RBM43: variants seen among roughly 807,000 people sequenced by gnomAD.
RBM43 encodes RNA binding motif protein 43, also known as RNA-binding protein 43.
RBM43 carries 12 observed loss-of-function variants against 12.4 expected under a neutral mutation model. The ratio of observed to expected loss-of-function variants is 0.97; its 90% CI spans 0.62 to 1.57. The LOEUF (loss-of-function observed/expected upper bound fraction) is 1.57, where lower values mean the gene tolerates loss of function less well. Among genes scored for constraint, RBM43 ranks in the 40% most tolerant of loss-of-function variants. The probability of loss-of-function intolerance (pLI) is 0.00; values close to 1 mark genes in which losing one functional copy is unlikely to be tolerated. For synonymous variants in RBM43, 138 were observed against 145.7 expected (o/e 0.95, Z 0.38); for missense variants, 348 against 400.1 (o/e 0.87, Z 1.11).
At chr2:151,259,111 C>T (rs1364208612) in intron 1 of RBM43, among the ~76,000 whole-genome samples, 1 of 147,684 alleles carries the variant, frequency 6.8e-6, no homozygotes, top group East Asian at 2.0e-4. Context: ...TCCAGCCTGC[C>T]TGGGCAATAG....
intron 1 of RBM43, among the ~76,000 whole-genome samples, chr2:151,257,809 C>T (rs1682994042): frequency 6.6e-6 from 1 of 152,180 alleles, no homozygotes; most frequent in African/African-American, 2.4e-5. Flanking sequence ...GTGGCTCACG[C>T]CTGTAATCCC....
At chr2:151,253,866 C>T (rs1341049897) in intron 2 of RBM43, among the ~76,000 whole-genome samples, 1 of 152,098 alleles carries the variant, frequency 6.6e-6, no homozygotes, top group Non-Finnish European at 1.5e-5. Flanking sequence ...AGCATGCTCC[C>T]CACTCACAAA....
chr2:151,251,723 C>A, intron 3 of RBM43, 59 bp from the exon 4 acceptor site: 1 of 1,486,006 alleles, frequency 6.7e-7, no homozygotes, highest in Non-Finnish European at 9.1e-7. Flanking sequence ...ACTACATAAA[C>A]ATGTTCTTTT....
chr2:151,251,185 T>G lies in RBM43; in HGVS notation c.795A>C (p.Gln265His), dbSNP rs986674392. 3.1e-6 allele frequency: 5 copies of G among 1,613,934 alleles called. No individual in the cohort carries two copies. The highest frequency in any genetic ancestry group is 4.2e-6 in the Non-Finnish European group (5 of 1,180,032). ...TTGCATTGTTTGGCTGAGAACCAACTTGAATGCTTTTTAGACAAATTGTGG... is the reference window on the plus strand; with the variant it reads ...TTGCATTGTTTGGCTGAGAACCAACGTGAATGCTTTTTAGACAAATTGTGG... ...EITTICLKSIQVGSQPNNAKH... is the reference protein window; with the variant it reads ...EITTICLKSIHVGSQPNNAKH... The change falls in exon 4 of 4, where the codon CAA becomes CAC. Residue 265 changes from glutamine to histidine, a missense_variant. By Grantham distance (24) the Gln-to-His change is conservative. Transcript: ENST00000331426.
chr2:151,253,089 T>C (rs952164835), intron 2 of RBM43, among the ~76,000 whole-genome samples: 5 of 152,128 alleles, frequency 3.3e-5, no homozygotes, highest in African/African-American at 9.7e-5. Flanking sequence ...TATGCATGAA[T>C]AAAAAACAAA....
chr2:151,252,587 C>G (rs777250507), intron 3 of RBM43, among the ~76,000 whole-genome samples, 168 bp downstream of exon 3: 45 of 152,078 alleles, frequency 3.0e-4, no homozygotes, highest in Non-Finnish European at 7.4e-5. Context: ...GAGGTGATAA[C>G]CAAAATTTCA....
intron 1 of RBM43, 178 bp downstream of exon 1, chr2:151,261,547 G>C: frequency 6.5e-7 from 1 of 1,544,982 alleles, no homozygotes; most frequent in Admixed American, 2.0e-5. Context: ...GAGTTTGCCC[G>C]CCGGGGTGGA....
chr2:151,255,930 T>C (rs557253526), intron 1 of RBM43, among the ~76,000 whole-genome samples, 187 bp from the exon 2 acceptor site: 2 of 152,204 alleles, frequency 1.3e-5, no homozygotes, highest in Non-Finnish European at 2.9e-5. Flanking sequence ...AAACTCTATA[T>C]GAATTTAAGA....
chr2:151,248,441 T>A lies in RBM43; in HGVS notation c.*2465A>T, dbSNP rs1019796029. 3.9e-5 allele frequency: 6 copies of A among 152,038 alleles called. No individual in the cohort carries two copies. The highest frequency in any genetic ancestry group is 4.8e-5 in the African/African-American group (2 of 41,412). 9.4% of individuals were successfully genotyped at this position (152,038 alleles called of 1,614,324 possible). A position where few individuals can be genotyped will look rare whatever the true frequency, so the allele number is the denominator to read the frequency against. ...GTTAGAATAGCTGTTTAGAGAAGGA[T>A]AAAGAGGGGATACTGTAAGAAGGGG... On this transcript the variant is annotated 3_prime_UTR_variant, in exon 4 of 4. Transcript: ENST00000331426.
Position 151,251,212 on chromosome 2 carries a change from G to A in RBM43, c.768C>T (p.Ile256=), listed in dbSNP as rs1220783983. ...ILSQEKVDGE[I]TTICLKSIQV... is the part of the protein sequence containing the mutation. ...GAATGCTTTTTAGACAAATTGTGGT[G>A]ATTTCACCATCCACTTTCTCCTGAC... is the stretch of plus-strand genomic sequence containing the variant. Residue 256 remains isoleucine (I), a synonymous_variant, in exon 4 of 4, where the codon ATC becomes ATT. Coordinates refer to ENST00000331426, the MANE Select transcript of RBM43 (RefSeq NM_198557.3). 2 of 1,613,738 alleles carry A rather than the reference G, an allele frequency of 1.2e-6. No homozygotes were observed. The highest frequency in any genetic ancestry group is 1.7e-5 in the Admixed American group (1 of 60,006).
intron 1 of RBM43, 117 bp downstream of exon 1, chr2:151,261,608 C>T (rs928389225): frequency 8.4e-6 from 13 of 1,538,794 alleles, no homozygotes; most frequent in Non-Finnish European, 1.1e-5. Flanking sequence ...GCGCCGCCCC[C>T]TCCCGCGCAG....
At chr2:151,256,300 G>A (rs1228992963) in intron 1 of RBM43, among the ~76,000 whole-genome samples, 1 of 152,044 alleles carries the variant, frequency 6.6e-6, no homozygotes, top group Non-Finnish European at 1.5e-5. Context: ...GTTAATATTT[G>A]TCTGATTTAG....
intron 1 of RBM43, among the ~76,000 whole-genome samples, chr2:151,256,541 A>T (rs1682978503): frequency 6.6e-6 from 1 of 152,158 alleles, no homozygotes; most frequent in African/African-American, 2.4e-5. Flanking sequence ...ACATTGGGCC[A>T]TGGATAGTGG....
intron 1 of RBM43, among the ~76,000 whole-genome samples, chr2:151,258,295 G>C (rs1030852021): frequency 1.3e-5 from 2 of 151,346 alleles, no homozygotes; most frequent in African/African-American, 4.9e-5. Flanking sequence ...TACCCCCAGT[G>C]CACACAAGAT....
chr2:151,253,015 TC>T (rs1459458243), intron 2 of RBM43, among the ~76,000 whole-genome samples, 160 bp from the exon 3 acceptor site: 5 of 152,358 alleles, frequency 3.3e-5, no homozygotes, highest in African/African-American at 1.2e-4. Flanking sequence ...GCACTTTAAC[TC>T]ATTAAAGTTC....
intron 1 of RBM43, among the ~76,000 whole-genome samples, chr2:151,257,311 AAC>A (rs71403150): frequency 0.38 from 56,779 of 150,562 alleles, 12,216 homozygotes; most frequent in Admixed American, 0.52. Flanking sequence ...TGCGTGCACA[AAC>A]ACACACACAC....
intron 3 of RBM43, among the ~76,000 whole-genome samples, 173 bp downstream of exon 3, chr2:151,252,582 G>A (rs1682916141): frequency 6.6e-6 from 1 of 152,150 alleles, no homozygotes; most frequent in South Asian, 2.1e-4. Context: ...TAGATGAGGT[G>A]ATAACCAAAA....
intron 1 of RBM43, chr2:151,261,119 T>C: frequency 9.3e-7 from 1 of 1,070,222 alleles, no homozygotes; most frequent in East Asian, 2.6e-5. Flanking sequence ...ATTAAAGGCC[T>C]TGCCAAGGCT....
intron 2 of RBM43, among the ~76,000 whole-genome samples, chr2:151,253,878 T>C (rs1192910544): frequency 6.6e-6 from 1 of 151,902 alleles, no homozygotes; most frequent in East Asian, 1.9e-4. Context: ...ACTCACAAAA[T>C]TACCAGTCCC....
Sources: allele counts gnomAD v4.1 joint callset (sites outside exome capture counted in the v4.1 genomes callset), GRCh38; gene constraint gnomAD v4.1.1; transcripts MANE v1.5; gene names NCBI Gene and HGNC (gene_info 2026-07-23, HGNC 2026-07-21).